The following MED17 variants were observed in gnomAD, a reference collection of about 807,000 sequenced individuals.
The protein encoded by MED17 is mediator complex subunit 17.
A neutral mutation model predicts 80.8 loss-of-function variants in MED17; 49 were observed. The observed-to-expected ratio is 0.61, with a 90% CI of 0.48 to 0.77. The LOEUF (loss-of-function observed/expected upper bound fraction) is 0.77, where lower values mean the gene tolerates loss of function less well. Among genes scored for constraint, MED17 ranks in the 30% least tolerant of loss-of-function variants. The probability of loss-of-function intolerance (pLI) is 0.00; values close to 1 mark genes in which losing one functional copy is unlikely to be tolerated. For missense variants in MED17, 718 were observed against 787.0 expected, an observed-to-expected ratio of 0.91 and a Z score of 1.05; for synonymous variants, 281 against 280.4, an observed-to-expected ratio of 1.00 and a Z score of -0.02.
chr11:93,800,646 A>G (rs1252490842), intron 8 of MED17: 1 of 152,042 alleles, frequency 6.6e-6, no homozygotes, highest in African/African-American at 2.4e-5. Context: ...AAAAAAAAAA[A>G]AATTTGAGAC....
chr11:93,811,873 G>A lies in MED17; in HGVS notation c.1765G>A (p.Gly589Ser). The change falls in exon 12 of 12, where the codon GGC becomes AGC. Residue 589 changes from glycine to serine, a missense_variant. By Grantham distance (56) the Gly-to-Ser change is moderately conservative. Transcript: ENST00000251871. The stretch of plus-strand genomic sequence containing the variant: ...CACAGTTCGTAATGGACCTGAAAGT[G>A]GCAGCAAGATTATGGTTCAGTTTCC... ...AISVRNGPES[G>S]SKIMVQFPRN... The A allele has an allele frequency of 1.2e-6, 2 of 1,614,106 alleles. No individual in the cohort carries two copies. The highest frequency in any genetic ancestry group is 1.7e-6 in the Non-Finnish European group (2 of 1,180,016).
intron 8 of MED17, chr11:93,800,975 T>C (rs1411442594): frequency 1.3e-5 from 2 of 152,080 alleles, no homozygotes; most frequent in Admixed American, 1.3e-4. Flanking sequence ...ATCAGATAAT[T>C]AGAAACTGAG....
chr11:93,787,378 A>C (rs1447559396), intron 1 of MED17, among the ~76,000 whole-genome samples: 1 of 151,930 alleles, frequency 6.6e-6, no homozygotes, highest in Non-Finnish European at 1.5e-5. Context: ...GCGCTACTGC[A>C]CTCCAGCCTG....
At chr11:93,797,917 G>A (rs748687249) in intron 8 of MED17, among the ~76,000 whole-genome samples, 198 bp downstream of exon 8, 45 of 152,154 alleles carry the variant, frequency 3.0e-4, no homozygotes, top group Non-Finnish European at 2.5e-4. Flanking sequence ...ATCTAACAGT[G>A]TATTCTTTCT....
chr11:93,798,823 T>C, intron 8 of MED17, among the ~76,000 whole-genome samples: 1 of 152,208 alleles, frequency 6.6e-6, no homozygotes, highest in African/African-American at 2.4e-5. Context: ...TTTCTTACCA[T>C]TAATACAGTT....
chr11:93,786,901 A>G (rs541144710), intron 1 of MED17, among the ~76,000 whole-genome samples: 10 of 152,346 alleles, frequency 6.6e-5, no homozygotes, highest in Non-Finnish European at 1.0e-4. Context: ...GAAGCAGTTT[A>G]CTTGTTGGAA....
intron 8 of MED17, among the ~76,000 whole-genome samples, 156 bp downstream of exon 8, chr11:93,797,875 T>C (rs1448481903): frequency 6.6e-6 from 1 of 152,176 alleles, no homozygotes; most frequent in Non-Finnish European, 1.5e-5. Flanking sequence ...CTGGGTCCTG[T>C]CAAGTCTGGG....
At chr11:93,810,417 C>T (rs1226799897) in intron 11 of MED17, 1 of 154,954 alleles carries the variant, frequency 6.5e-6, no homozygotes, top group African/African-American at 2.4e-5. Context: ...GGCTGGAGTT[C>T]AGTGGCGTGA....
chr11:93,784,860 G>C, intron 1 of MED17, 97 bp downstream of exon 1: 2 of 1,458,456 alleles, frequency 1.4e-6, no homozygotes, highest in Non-Finnish European at 9.2e-7. Context: ...TTGTGCGTGC[G>C]AGAACTTTTG....
intron 6 of MED17, 179 bp from the exon 7 acceptor site, chr11:93,796,231 G>A (rs1471384702): frequency 5.2e-5 from 32 of 615,364 alleles, no homozygotes; most frequent in East Asian, 2.5e-4. Context: ...GATTGCAGGC[G>A]TGAGCCACCG....
At chr11:93,802,867 A>T (rs189820002) in intron 9 of MED17, among the ~76,000 whole-genome samples, 1 of 152,364 alleles carries the variant, frequency 6.6e-6, no homozygotes, top group Non-Finnish European at 1.5e-5. Context: ...TTCACAAATC[A>T]CAAGTTAATG....
chr11:93,799,568 C>G (rs1318363240), intron 8 of MED17, among the ~76,000 whole-genome samples: 1 of 152,170 alleles, frequency 6.6e-6, no homozygotes, highest in Non-Finnish European at 1.5e-5. Flanking sequence ...TCCCTCAAGT[C>G]CAGGAGTTTG....
intron 6 of MED17, 144 bp from the exon 7 acceptor site, chr11:93,796,266 T>TA (rs1279554366): frequency 8.2e-6 from 7 of 848,830 alleles, no homozygotes; most frequent in Non-Finnish European, 1.3e-5. Context: ...GTAATCTTGA[T>TA]ATACAGATGT....
rs200276005 is a variant in MED17, at chr11:93,794,040, G to A, written c.859+5G>A. ...CTTTGCCCAAATCCAAACCAGGTAT[G>A]GTTATGTTCTATTCTCTAATTTCTG... On this transcript the variant is annotated splice_donor_5th_base_variant and intron_variant, in intron 5 of 11. Coordinates refer to ENST00000251871, the MANE Select transcript of MED17 (RefSeq NM_004268.5). 13 of 1,608,292 alleles carry A rather than the reference G, an allele frequency of 8.1e-6. No homozygotes were observed. Among genetic ancestry groups the A allele is most frequent in the Non-Finnish European group, 1.1e-5 (13 of 1,175,078 alleles).
Position 93,811,836 on chromosome 11 carries a change from T to G in MED17, c.1745-17T>G. 6.2e-7 allele frequency: 1 copy of G among 1,608,440 alleles called. No individual in the cohort carries two copies. Reference sequence around the variant, plus strand: ...TGGTAAACTAGAGTGTATTGATATTTTGGTTTTTCTCCACAGTTCGTAATG... The same window carrying G: ...TGGTAAACTAGAGTGTATTGATATTGTGGTTTTTCTCCACAGTTCGTAATG... On this transcript the variant is annotated splice_polypyrimidine_tract_variant and intron_variant, in intron 11 of 11. Coordinates refer to ENST00000251871, the MANE Select transcript of MED17 (RefSeq NM_004268.5).
chr11:93,810,003 C>T (rs888566945), intron 11 of MED17, 127 bp downstream of exon 11: 5 of 931,620 alleles, frequency 5.4e-6, no homozygotes, highest in South Asian at 2.6e-5. Context: ...GTATTTACAC[C>T]GAATGTTTAT....
At chr11:93,789,638 C>T (rs1418584038) in intron 2 of MED17, 1 of 152,034 alleles carries the variant, frequency 6.6e-6, no homozygotes, top group Non-Finnish European at 1.5e-5. Context: ...GACTTCTGAT[C>T]AGTTTTCCAA....
chr11:93,790,609 G>A lies in MED17; in HGVS notation c.453G>A (p.Lys151=). ...CGTTGCAATTGATATCTAAAAAGAAGTCACTTGCTGGAGCAGCACAAATCT... is the reference window on the plus strand; with the variant it reads ...CGTTGCAATTGATATCTAAAAAGAAATCACTTGCTGGAGCAGCACAAATCT... The part of the protein sequence containing the change: ...PQTLQLISKK[K]SLAGAAQILL... Residue 151 remains lysine (K), a synonymous_variant, in exon 3 of 12, where the codon AAG becomes AAA. Coordinates refer to ENST00000251871, the MANE Select transcript of MED17 (RefSeq NM_004268.5). 1 of 1,614,150 alleles carries A rather than the reference G, an allele frequency of 6.2e-7. No individual in the cohort carries two copies. Among genetic ancestry groups the A allele is most frequent in the Non-Finnish European group, 8.5e-7 (1 of 1,180,022 alleles).
intron 3 of MED17, 47 bp from the exon 4 acceptor site, chr11:93,793,681 T>A (rs1237855149): frequency 7.5e-7 from 1 of 1,335,818 alleles, no homozygotes; most frequent in African/African-American, 1.4e-5. Flanking sequence ...TGTGTCGGAA[T>A]AATATGTTAA....
Sources: gnomAD v4.1 joint callset for allele counts (sites outside exome capture counted in the v4.1 genomes callset) on GRCh38, gnomAD v4.1.1 for gene constraint, MANE v1.5 for transcripts, NCBI Gene and HGNC (gene_info 2026-07-23, HGNC 2026-07-21) for gene names.